RARA: variants seen among roughly 807,000 people sequenced by gnomAD.
RARA encodes PML-DDX5-RARA fusion.
A neutral mutation model predicts 42.8 loss-of-function variants in RARA; 5 were observed. The observed-to-expected ratio is 0.12, with a 90% CI of 0.06 to 0.25. The LOEUF (loss-of-function observed/expected upper bound fraction) is 0.25, where lower values mean the gene tolerates loss of function less well. Ranked by LOEUF, RARA falls within the 10% of genes least tolerant of loss-of-function variation. The pLI, the probability that RARA is intolerant of heterozygous loss-of-function variation, is 1.00. For synonymous variants in RARA, 256 were observed against 259.5 expected, an observed-to-expected ratio of 0.99 and a Z score of 0.13; for missense variants, 402 against 628.7, an observed-to-expected ratio of 0.64 and a Z score of 3.86.
chr17:40,331,346 C>G lies in RARA; in HGVS notation c.128C>G (p.Thr43Ser), dbSNP rs116538651. 1.2e-3 allele frequency: 1,904 copies of G among 1,614,110 alleles called. 14 individuals are homozygous for G. The African/African-American group carries it at 0.022, about 18-fold the overall frequency. Residue 43 changes from threonine (T) to serine (S), a missense_variant, in exon 2 of 9, where the codon ACT becomes AGT. Physicochemically the swap from Thr to Ser is moderately conservative, Grantham distance 58 (BLOSUM62 1). This residue lies in a region of RARA where 91 missense variants were observed against 105.2 expected (regional missense o/e 0.87). Transcript: ENST00000254066. ...GGLSPPGALT[T>S]LQHQLPVSGY... ...CTCTCCCCGCCAGGCGCTCTGACCA[C>G]TCTCCAGCACCAGCTTCCAGTTAGT... is the stretch of plus-strand genomic sequence containing the variant.
At chr17:40,353,888 A>ACC (rs1190602634) in intron 6 of RARA, among the ~76,000 whole-genome samples, 3 of 152,128 alleles carry the variant, frequency 2.0e-5, no homozygotes, top group African/African-American at 7.2e-5. Context: ...CTTGTTGTGT[A>ACC]CCTCATCCTG....
chr17:40,315,132 G>A (rs67142006), intron 1 of RARA, among the ~76,000 whole-genome samples: 4,374 of 64,064 alleles, frequency 0.068, 272 homozygotes, highest in East Asian at 0.21. Context: ...GCTTATATGT[G>A]TATATATATA....
At position 40,356,274 on chromosome 17, in the gene RARA, C is replaced by A; in HGVS notation, c.*48C>A. 6.6e-7 allele frequency: 1 copy of A among 1,523,012 alleles called. No homozygotes were observed. Among genetic ancestry groups the A allele is most frequent in the South Asian group, 1.2e-5 (1 of 83,538 alleles). 94.3% of individuals were successfully genotyped at this position (1,523,012 alleles called of 1,614,324 possible). ...GCCCTCGCCCTCCGCCCCGGCTTTT[C>A]TCTGCCTTTCTACCGACCATGTGAC... On this transcript the variant is annotated 3_prime_UTR_variant, in exon 9 of 9. Transcript: ENST00000254066.
Position 40,357,257 on chromosome 17 carries a change from G to C in RARA, c.*1031G>C. 1 of 235,858 alleles carries C rather than the reference G, an allele frequency of 4.2e-6. No individual in the cohort carries two copies. The highest frequency in any genetic ancestry group is 8.3e-6 in the Non-Finnish European group (1 of 119,816). 14.6% of individuals were successfully genotyped at this position (235,858 alleles called of 1,614,324 possible). ...CCCACTGTGAAGGGGCTGGCCAGGGGCCCGAGCTGCCCCCACCCCCGGCCT... is the reference window on the plus strand; with the variant it reads ...CCCACTGTGAAGGGGCTGGCCAGGGCCCCGAGCTGCCCCCACCCCCGGCCT... On this transcript the variant is annotated 3_prime_UTR_variant, in exon 9 of 9. Coordinates refer to ENST00000254066, the MANE Select transcript of RARA (RefSeq NM_000964.4).
chr17:40,315,385 A>T (rs537812087), intron 1 of RARA, among the ~76,000 whole-genome samples: 5 of 151,816 alleles, frequency 3.3e-5, no homozygotes, highest in African/African-American at 1.2e-4. Flanking sequence ...AAGCTGTATG[A>T]CGTTGAGGAA....
chr17:40,319,029 C>T (rs913799017), intron 1 of RARA, among the ~76,000 whole-genome samples: 1 of 152,130 alleles, frequency 6.6e-6, no homozygotes, highest in Non-Finnish European at 1.5e-5. Context: ...CTTGTGCCAC[C>T]ATGGGGTGTG....
At chr17:40,341,430 G>A in intron 2 of RARA, 2 of 1,525,984 alleles carry the variant, frequency 1.3e-6, no homozygotes, top group Non-Finnish European at 1.8e-6. Context: ...GTCTCATTCC[G>A]ACACAGCGTC....
In RARA at chr17:40,331,371, T is replaced by C; in HGVS notation, c.153T>C (p.Ser51=). The C allele has an allele frequency of 6.2e-7, 1 of 1,613,592 alleles. No homozygotes were observed. Among genetic ancestry groups the C allele is most frequent in the Non-Finnish European group, 8.5e-7 (1 of 1,179,806 alleles). The change falls in exon 2 of 9, where the codon AGT becomes AGC. Residue 51 remains serine (S), a synonymous_variant. Coordinates refer to ENST00000254066, the MANE Select transcript of RARA (RefSeq NM_000964.4). ...CTCTCCAGCACCAGCTTCCAGTTAG[T>C]GGATATAGCACACCATCCCCAGCCA... ...LTTLQHQLPV[S]GYSTPSPATI...
At position 40,355,554 on chromosome 17, in the gene RARA, C is replaced by T. The variant is rs1176468966; in HGVS notation, c.1171+133C>T. On this transcript the variant is annotated intron_variant, in intron 8 of 8. Coordinates refer to ENST00000254066, the MANE Select transcript of RARA (RefSeq NM_000964.4). The surrounding 1 kb of genome is among the most constrained non-coding windows in gnomAD (Gnocchi z 4.1). ...CCCATCTGTGTCTAGGCTGAGGTCC[C>T]CTAGTGACTCCACTTTGCCGAGGTG... 2 of 1,262,910 alleles carry T rather than the reference C, an allele frequency of 1.6e-6. No individual in the cohort carries two copies. Among genetic ancestry groups the T allele is most frequent in the African/African-American group, 1.5e-5 (1 of 66,036 alleles). The allele number at this position is 1,262,910 out of a possible 1,614,324, so 78.2% of individuals were successfully genotyped here.
intron 1 of RARA, among the ~76,000 whole-genome samples, chr17:40,322,529 A>G (rs1236321267): frequency 6.6e-6 from 1 of 151,968 alleles, no homozygotes; most frequent in Non-Finnish European, 1.5e-5. Flanking sequence ...CTGTGTGTAC[A>G]CACCTACCTT....
chr17:40,355,160 G>T lies in RARA; in HGVS notation c.1013-103G>T. 1.4e-6 allele frequency: 2 copies of T among 1,398,900 alleles called. No homozygotes were observed. Among genetic ancestry groups the T allele is most frequent in the South Asian group, 2.9e-5 (2 of 69,834 alleles). 86.7% of individuals were successfully genotyped at this position (1,398,900 alleles called of 1,614,324 possible). ...CTGCCCTGTGTGGGGAGGCGCCTGCGAGCTGCCCTCCTCCATGGCCTGGGC... is the reference window on the plus strand; with the variant it reads ...CTGCCCTGTGTGGGGAGGCGCCTGCTAGCTGCCCTCCTCCATGGCCTGGGC... On this transcript the variant is annotated intron_variant, in intron 7 of 8. Transcript: ENST00000254066. The surrounding 1 kb of genome is among the most constrained non-coding windows in gnomAD (Gnocchi z 4.1).
intron 2 of RARA, chr17:40,341,752 C>T (rs924063014): frequency 1.4e-4 from 178 of 1,292,856 alleles, no homozygotes; most frequent in Admixed American, 2.5e-4. Context: ...CCCCCTCTTC[C>T]CCGCCCCACC....
chr17:40,351,849 G>C lies in RARA; in HGVS notation c.470-61G>C, dbSNP rs2034463213. On this transcript the variant is annotated intron_variant, in intron 4 of 8. Transcript: ENST00000254066. This position sits in a 1 kb window ranked among gnomAD's most constrained non-coding sequence, Gnocchi z 4.1. ...CAGCTGGCAGCTCTCTGTCAGGCTGGGGGTGGACGAGGCCCTGAGCAGCCT... is the reference window on the plus strand; with the variant it reads ...CAGCTGGCAGCTCTCTGTCAGGCTGCGGGTGGACGAGGCCCTGAGCAGCCT... 1 of 1,568,546 alleles carries C rather than the reference G, an allele frequency of 6.4e-7. No individual in the cohort carries two copies. The highest frequency in any genetic ancestry group is 8.6e-7 in the Non-Finnish European group (1 of 1,164,778).
At position 40,341,353 on chromosome 17, in the gene RARA, G is replaced by T. The variant is rs372840393; in HGVS notation, c.179-6963G>T. On this transcript the variant is annotated intron_variant, in intron 2 of 8. Coordinates refer to ENST00000254066, the MANE Select transcript of RARA (RefSeq NM_000964.4). ...GCCTGTGTTTGTGCCAACAGCACCC[G>T]CGCTGCCGCGTCGGGTTCCGGCGGC... 430 of 1,442,092 alleles carry T rather than the reference G, an allele frequency of 3.0e-4. 2 individuals carry two copies. Among genetic ancestry groups the T allele is most frequent in the African/African-American group, 2.0e-3 (135 of 68,008 alleles). The allele number at this position is 1,442,092 out of a possible 1,614,324, so 89.3% of individuals were successfully genotyped here.
Position 40,331,365 on chromosome 17 carries a change from A to G in RARA, c.147A>G (p.Pro49=), listed in dbSNP as rs1376787448. The change falls in exon 2 of 9, where the codon CCA becomes CCG. Residue 49 remains proline, a synonymous_variant. Coordinates refer to ENST00000254066, the MANE Select transcript of RARA (RefSeq NM_000964.4). ...TGACCACTCTCCAGCACCAGCTTCC[A>G]GTTAGTGGATATAGCACACCATCCC... ...GALTTLQHQL[P]VSGYSTPSPA... 5 of 1,613,654 alleles carry G rather than the reference A, an allele frequency of 3.1e-6. No homozygotes were observed. The highest frequency in any genetic ancestry group is 3.4e-6 in the Non-Finnish European group (4 of 1,179,870).
intron 2 of RARA, chr17:40,342,676 G>C (rs745492680): frequency 6.2e-7 from 1 of 1,600,400 alleles, no homozygotes; most frequent in South Asian, 1.1e-5. Context: ...GGACTTCCCA[G>C]CTCGGACCTC....
chr17:40,342,715 G>T (rs759666188), intron 2 of RARA: 3 of 1,612,260 alleles, frequency 1.9e-6, no homozygotes, highest in Non-Finnish European at 2.5e-6. Context: ...ATGTACGAGA[G>T]TGTAGAAGTG....
At position 40,352,694 on chromosome 17, in the gene RARA, C is replaced by T. The variant is rs574724477; in HGVS notation, c.807+187C>T. Among the ~76,000 whole-genome samples the T allele has an allele frequency of 1.2e-3, 184 of 152,344 alleles. No individual in the cohort carries two copies. Among genetic ancestry groups the T allele is most frequent in the Middle Eastern group, 3.4e-3 (1 of 294 alleles). ...ACTCGTCTCCCTGTCCACTCAGCCA[C>T]CTAGCAGCCAGATGTGCAGGAGCTC... On this transcript the variant is annotated intron_variant, in intron 6 of 8. Transcript: ENST00000254066. The surrounding 1 kb of genome is among the most constrained non-coding windows in gnomAD (Gnocchi z 4.9).
chr17:40,328,320 G>T (rs1742126956), intron 1 of RARA, among the ~76,000 whole-genome samples: 1 of 152,250 alleles, frequency 6.6e-6, no homozygotes, highest in Middle Eastern at 3.4e-3. Context: ...CCTGAGCTTG[G>T]GGTGGAGTGG....
Sources: allele counts gnomAD v4.1 joint callset (sites outside exome capture counted in the v4.1 genomes callset), GRCh38; gene constraint gnomAD v4.1.1; regional missense constraint gnomAD v4.1.1; non-coding constraint Gnocchi (gnomAD v3.1); transcripts MANE v1.5; gene names NCBI Gene and HGNC (gene_info 2026-07-23, HGNC 2026-07-21).